ZNF573: variants seen among roughly 807,000 people sequenced by gnomAD.
ZNF573 encodes zinc finger protein 573.
ZNF573 carries 41 observed loss-of-function variants against 57.4 expected under a neutral mutation model. The observed-to-expected ratio is 0.71, with a 90% CI of 0.56 to 0.93. The LOEUF (loss-of-function observed/expected upper bound fraction) is 0.93, where lower values mean the gene tolerates loss of function less well. ZNF573 is among the 40% of genes least tolerant of loss of function. The pLI is 0.00. For synonymous variants in ZNF573, 249 were observed against 261.0 expected (o/e 0.95, Z 0.44); for missense variants, 730 against 794.8 (o/e 0.92, Z 0.98).
At chr19:37,769,886 C>CCTTT in intron 4 of ZNF573, 119 bp downstream of exon 4, 1 of 783,588 alleles carries the variant, frequency 1.3e-6, no homozygotes, top group Admixed American at 2.1e-5. Context: ...AGGTTGTAGG[C>CCTTT]CTTTGCTCCA....
intron 4 of ZNF573, 42 bp downstream of exon 4, chr19:37,769,963 T>C (rs762888360): frequency 1.3e-6 from 2 of 1,483,936 alleles, no homozygotes; most frequent in South Asian, 2.4e-5. Flanking sequence ...TCTTACCACA[T>C]GGGCTGTGGC....
intron 4 of ZNF573, chr19:37,740,488 C>T (rs1278756688): frequency 4.4e-6 from 2 of 459,494 alleles, no homozygotes; most frequent in East Asian, 5.3e-5. Context: ...TGAATTAAAA[C>T]TGAGAGGAGA....
chr19:37,758,228 T>A (rs868491397), intron 4 of ZNF573, among the ~76,000 whole-genome samples: 12,387 of 31,248 alleles, frequency 0.4, 2,966 homozygotes, highest in Non-Finnish European at 0.45. Flanking sequence ...TATATATATA[T>A]ATATATATAT....
chr19:37,771,280 T>C (rs1397152391), intron 3 of ZNF573, among the ~76,000 whole-genome samples: 1 of 151,550 alleles, frequency 6.6e-6, no homozygotes, highest in Non-Finnish European at 1.5e-5. Flanking sequence ...ACTAATAATA[T>C]ATAATTTAAT....
At chr19:37,755,458 A>G (rs920034507) in intron 4 of ZNF573, among the ~76,000 whole-genome samples, 1 of 152,236 alleles carries the variant, frequency 6.6e-6, no homozygotes, top group African/African-American at 2.4e-5. Context: ...AATTAGGAAC[A>G]CAGACTTTAA....
chr19:37,749,929 T>G (rs1470386817), intron 4 of ZNF573, among the ~76,000 whole-genome samples: 1 of 152,204 alleles, frequency 6.6e-6, no homozygotes, highest in East Asian at 1.9e-4. Flanking sequence ...AAGCATTATG[T>G]AATTTGCATA....
At chr19:37,744,999 G>T (rs1599684461) in intron 4 of ZNF573, among the ~76,000 whole-genome samples, 1 of 151,850 alleles carries the variant, frequency 6.6e-6, no homozygotes, top group African/African-American at 2.4e-5. Flanking sequence ...AGCCAGGATG[G>T]TCTTGATCTC....
intron 4 of ZNF573, among the ~76,000 whole-genome samples, chr19:37,761,121 CGGA>C (rs533899515): frequency 7.5e-4 from 114 of 152,060 alleles, no homozygotes; most frequent in African/African-American, 2.7e-3. Flanking sequence ...GCCTGGGAGG[CGGA>C]GGTGGCAGTG....
intron 4 of ZNF573, among the ~76,000 whole-genome samples, chr19:37,767,871 T>G (rs1303143926): frequency 6.6e-6 from 1 of 152,076 alleles, no homozygotes; most frequent in East Asian, 1.9e-4. Flanking sequence ...TTAAAAAGAC[T>G]TGAAATTGGA....
At chr19:37,756,732 TA>T (rs2045491330) in intron 4 of ZNF573, among the ~76,000 whole-genome samples, 1 of 152,060 alleles carries the variant, frequency 6.6e-6, no homozygotes, top group South Asian at 2.1e-4. Flanking sequence ...AATTCTTCCC[TA>T]AATACGTTTG....
intron 1 of ZNF573, among the ~76,000 whole-genome samples, chr19:37,774,136 T>TC (rs1342766392): frequency 4.9e-5 from 4 of 81,168 alleles, no homozygotes; most frequent in Non-Finnish European, 1.2e-4. Flanking sequence ...CTTTTTTTTT[T>TC]TTTTTTTTTT....
chr19:37,764,301 G>GT (rs561037624), intron 4 of ZNF573, among the ~76,000 whole-genome samples: 133 of 146,800 alleles, frequency 9.1e-4, no homozygotes, highest in Middle Eastern at 3.5e-3. Flanking sequence ...TATACTTAGA[G>GT]TTTTTTTTTG....
intron 4 of ZNF573, 74 bp downstream of exon 4, chr19:37,769,931 C>T: frequency 2.2e-6 from 3 of 1,344,766 alleles, no homozygotes; most frequent in East Asian, 2.5e-5. Context: ...GTTTCACAAA[C>T]AACACAAAAA....
At chr19:37,748,427 T>G (rs146612882) in intron 4 of ZNF573, among the ~76,000 whole-genome samples, 261 of 152,236 alleles carry the variant, frequency 1.7e-3, no homozygotes, top group Non-Finnish European at 3.1e-3. Context: ...GTGGTCTTTG[T>G]TTGGTTGGTG....
At chr19:37,767,767 TC>T (rs796297389) in intron 4 of ZNF573, among the ~76,000 whole-genome samples, 6 of 152,124 alleles carry the variant, frequency 3.9e-5, no homozygotes, top group African/African-American at 1.4e-4. Context: ...AGGGATGGCA[TC>T]AGCAAAAAAT....
Position 37,771,703 on chromosome 19 carries a change from AC to A in ZNF573, c.70-8del. 6.3e-7 allele frequency: 1 copy of A among 1,586,666 alleles called. No homozygotes were observed. The highest frequency in any genetic ancestry group is 8.5e-7 in the Non-Finnish European group (1 of 1,172,694). On this transcript the variant is annotated splice_polypyrimidine_tract_variant and splice_region_variant and intron_variant, in intron 2 of 4. Transcript: ENST00000536220. ...ATGTCACTAATTCCTGAAACTGCAA[AC>A]CCATGCATTACAAAATTTTAAAAAC...
At chr19:37,769,618 C>T (rs1172103737) in intron 4 of ZNF573, among the ~76,000 whole-genome samples, 2 of 147,596 alleles carry the variant, frequency 1.4e-5, no homozygotes, top group African/African-American at 2.5e-5. Context: ...TCCAGCTACT[C>T]GGGAGGCTGA....
At chr19:37,764,093 G>GA (rs2045578172) in intron 4 of ZNF573, among the ~76,000 whole-genome samples, 1 of 150,102 alleles carries the variant, frequency 6.7e-6, no homozygotes, top group Non-Finnish European at 1.5e-5. Flanking sequence ...TAGAATAAAG[G>GA]AAATGAATAC....
chr19:37,755,834 CAAAA>C (rs11362043), intron 4 of ZNF573, among the ~76,000 whole-genome samples: 1 of 130,348 alleles, frequency 7.7e-6, no homozygotes, highest in Non-Finnish European at 1.6e-5. Flanking sequence ...TGGTTCTTCG[CAAAA>C]AAAAAAAAAA....
Sources: gnomAD v4.1 joint callset for allele counts (sites outside exome capture counted in the v4.1 genomes callset) on GRCh38, gnomAD v4.1.1 for gene constraint, MANE v1.5 for transcripts, NCBI Gene and HGNC (gene_info 2026-07-23, HGNC 2026-07-21) for gene names.